FAM161A: variants seen among roughly 807,000 people sequenced by gnomAD.
The protein encoded by FAM161A is protein FAM161A.
Under a neutral mutation model 70.9 loss-of-function variants are expected in FAM161A, and 57 were observed. That is an observed-to-expected ratio of 0.80 (90% CI 0.65 to 1.00). FAM161A has a LOEUF of 1.00. Ranked by LOEUF, FAM161A falls within the 50% of genes least tolerant of loss-of-function variation. The pLI is 0.00. For synonymous variants in FAM161A, 299 were observed against 295.7 expected, an observed-to-expected ratio of 1.01 and a Z score of -0.12; for missense variants, 880 against 836.0, an observed-to-expected ratio of 1.05 and a Z score of -0.65.
intron 2 of FAM161A, 97 bp downstream of exon 2, chr2:61,842,025 C>T: frequency 1.2e-6 from 1 of 829,926 alleles, no homozygotes; most frequent in Non-Finnish European, 2.1e-6. Context: ...GTACAAAGGG[C>T]TATTTAAGAG....
the FAM161A span, among the ~76,000 whole-genome samples, chr2:61,801,791 C>A: frequency 2.6e-5 from 4 of 151,958 alleles, no homozygotes; most frequent in African/African-American, 9.7e-5. Flanking sequence ...AAACTCCTGA[C>A]CTCAGGTGAT....
intron 1 of FAM161A, chr2:61,846,835 A>G: frequency 2.4e-6 from 1 of 424,588 alleles, no homozygotes; most frequent in Non-Finnish European, 4.7e-6. Context: ...GGGCAGCAGC[A>G]GTTCGTTTTA....
At chr2:61,841,569 C>A (rs1174376208) in intron 2 of FAM161A, among the ~76,000 whole-genome samples, 1 of 152,174 alleles carries the variant, frequency 6.6e-6, no homozygotes, top group Non-Finnish European at 1.5e-5. Context: ...CTCAGCTAGT[C>A]TCTAAGCTCC....
intron 4 of FAM161A, chr2:61,836,411 G>A (rs1672776201): frequency 8.2e-6 from 2 of 244,682 alleles, no homozygotes; most frequent in Admixed American, 5.1e-5. Flanking sequence ...ATATTTTAAG[G>A]GACTTCAAAC....
intron 1 of FAM161A, among the ~76,000 whole-genome samples, chr2:61,846,420 G>A (rs1673217252): frequency 6.6e-6 from 1 of 152,208 alleles, no homozygotes; most frequent in South Asian, 2.1e-4. Flanking sequence ...AAAGGGTTGG[G>A]TGGGAGTTAA....
the FAM161A span, among the ~76,000 whole-genome samples, chr2:61,818,727 A>G: frequency 1.3e-5 from 2 of 152,232 alleles, no homozygotes; most frequent in African/African-American, 4.8e-5. Context: ...ATAGAATTAG[A>G]AAATGACCAT....
the FAM161A span, among the ~76,000 whole-genome samples, chr2:61,817,012 C>A: frequency 1.3e-5 from 2 of 152,136 alleles, no homozygotes; most frequent in East Asian, 3.8e-4. Flanking sequence ...CAATTCGAAA[C>A]TGAAATAGGT....
intron 2 of FAM161A, 103 bp from the exon 3 acceptor site, chr2:61,840,684 T>C: frequency 1.1e-6 from 1 of 903,300 alleles, no homozygotes; most frequent in Non-Finnish European, 1.7e-6. Flanking sequence ...AGAGTCTCAC[T>C]CTGTTGCCCA....
chr2:61,803,271 T>G, the FAM161A span: 3 of 624,992 alleles, frequency 4.8e-6, no homozygotes, highest in South Asian at 4.4e-5. Context: ...CTCATGCTGG[T>G]GGTGGCTTTG....
At chr2:61,846,247 T>G (rs980671262) in intron 1 of FAM161A, among the ~76,000 whole-genome samples, 1 of 152,028 alleles carries the variant, frequency 6.6e-6, no homozygotes, top group South Asian at 2.1e-4. Context: ...AAGGTGCACA[T>G]GGCTGCCGGA....
intron 1 of FAM161A, chr2:61,846,942 T>C (rs1289053638): frequency 4.4e-6 from 2 of 452,102 alleles, no homozygotes; most frequent in Non-Finnish European, 8.9e-6. Context: ...GCACTTTGGG[T>C]CACTTGAGGT....
At chr2:61,838,766 G>T (rs1050852397) in intron 3 of FAM161A, 61 bp from the exon 4 acceptor site, 1 of 1,227,832 alleles carries the variant, frequency 8.1e-7, no homozygotes, top group East Asian at 2.7e-5. Context: ...GTTTAGCAAA[G>T]ATTTAACATG....
chr2:61,828,858 T>C (rs1216461844), intron 5 of FAM161A, among the ~76,000 whole-genome samples: 3 of 152,176 alleles, frequency 2.0e-5, no homozygotes, highest in Admixed American at 6.5e-5. Context: ...GCTCCAGAGA[T>C]GGCAGGCTTT....
At chr2:61,808,604 A>G in the FAM161A span, among the ~76,000 whole-genome samples, 1 of 152,074 alleles carries the variant, frequency 6.6e-6, no homozygotes, top group African/African-American at 2.4e-5. Context: ...CTGAATCCAG[A>G]GTTTTCAGTT....
intron 1 of FAM161A, among the ~76,000 whole-genome samples, chr2:61,844,022 A>G (rs1184346115): frequency 6.6e-6 from 1 of 152,122 alleles, no homozygotes; most frequent in Admixed American, 6.5e-5. Context: ...GGGCACCTAT[A>G]TTCCCAGCTA....
chr2:61,802,156 T>G, the FAM161A span, among the ~76,000 whole-genome samples: 1 of 152,320 alleles, frequency 6.6e-6, no homozygotes, highest in South Asian at 2.1e-4. Context: ...AGTACTGCAT[T>G]TGACTTCAGG....
intron 1 of FAM161A, among the ~76,000 whole-genome samples, chr2:61,847,535 C>G (rs1673269237): frequency 6.6e-6 from 1 of 152,156 alleles, no homozygotes; most frequent in South Asian, 2.1e-4. Flanking sequence ...CTTTGGGAGG[C>G]TGGGGCAGGT....
At chr2:61,810,087 C>G in the FAM161A span, among the ~76,000 whole-genome samples, 1 of 152,154 alleles carries the variant, frequency 6.6e-6, no homozygotes, top group African/African-American at 2.4e-5. Context: ...GAGTCCAGCC[C>G]AAATTGTTGA....
At chr2:61,808,494 G>A in the FAM161A span, among the ~76,000 whole-genome samples, 16,049 of 151,902 alleles carry the variant, frequency 0.11, 983 homozygotes, top group Middle Eastern at 0.2. Context: ...GGATAGTCTC[G>A]ATCTCCTGGC....
Sources: allele counts gnomAD v4.1 joint callset (sites outside exome capture counted in the v4.1 genomes callset), GRCh38; gene constraint gnomAD v4.1.1; transcripts MANE v1.5; gene names NCBI Gene and HGNC (gene_info 2026-07-23, HGNC 2026-07-21).